The following ADAMTSL1 variants were observed in gnomAD, a reference collection of about 807,000 sequenced individuals.
ADAMTSL1 encodes the protein ADAMTS-like protein 1.
In ADAMTSL1, 126 loss-of-function variants were observed where a neutral mutation model predicts 201.8. That is an observed-to-expected ratio of 0.62 (90% CI 0.54 to 0.72). The LOEUF (loss-of-function observed/expected upper bound fraction) is 0.72, where lower values mean the gene tolerates loss of function less well. Ranked by LOEUF, ADAMTSL1 falls within the 30% of genes least tolerant of loss-of-function variation. ADAMTSL1 has a pLI of 0.00. For synonymous variants in ADAMTSL1, 1,121 were observed against 903.4 expected, an observed-to-expected ratio of 1.24 and a Z score of -4.32; for missense variants, 2,679 against 2,277.8, an observed-to-expected ratio of 1.18 and a Z score of -3.59.
At chr9:18,555,789 G>C (rs1256002102) in intron 3 of ADAMTSL1, among the ~76,000 whole-genome samples, 1 of 151,908 alleles carries the variant, frequency 6.6e-6, no homozygotes, top group African/African-American at 2.4e-5. Flanking sequence ...AACATTGAGA[G>C]AATGGCAAAT....
chr9:18,055,211 T>C (rs974207297), intron 1 of ADAMTSL1, among the ~76,000 whole-genome samples: 1 of 152,244 alleles, frequency 6.6e-6, no homozygotes, highest in Non-Finnish European at 1.5e-5. Flanking sequence ...CACCTATTCA[T>C]AGTCAGTTTA....
At chr9:18,524,967 G>C (rs1422485116) in intron 2 of ADAMTSL1, among the ~76,000 whole-genome samples, 1 of 152,214 alleles carries the variant, frequency 6.6e-6, no homozygotes, top group Non-Finnish European at 1.5e-5. Context: ...AAATGAGTGA[G>C]GGAGGATTCC....
At chr9:18,775,460 G>A (rs1382453858) in intron 17 of ADAMTSL1, among the ~76,000 whole-genome samples, 1 of 152,130 alleles carries the variant, frequency 6.6e-6, no homozygotes, top group African/African-American at 2.4e-5. Flanking sequence ...ATACTGAGCT[G>A]GGATTTAAAC....
At chr9:18,839,254 A>G (rs188696474) in intron 23 of ADAMTSL1, among the ~76,000 whole-genome samples, 2,535 of 139,326 alleles carry the variant, frequency 0.018, 58 homozygotes, top group African/African-American at 0.062. Context: ...TCATTGTTCA[A>G]TTCCCACCTA....
intron 19 of ADAMTSL1, among the ~76,000 whole-genome samples, chr9:18,791,573 C>G (rs1023648887): frequency 7.2e-5 from 11 of 152,086 alleles, no homozygotes; most frequent in African/African-American, 2.7e-4. Flanking sequence ...CAAATCCTGA[C>G]TCTGCCCCCA....
chr9:18,589,631 G>A (rs1231797143), intron 4 of ADAMTSL1, among the ~76,000 whole-genome samples: 1 of 152,086 alleles, frequency 6.6e-6, no homozygotes, highest in African/African-American at 2.4e-5. Context: ...TGATGAAACT[G>A]AGCATCCTTG....
intron 2 of ADAMTSL1, among the ~76,000 whole-genome samples, chr9:18,347,645 C>T (rs1404654692): frequency 1.3e-5 from 2 of 152,102 alleles, no homozygotes; most frequent in Non-Finnish European, 2.9e-5. Context: ...AAGCACTGCT[C>T]CTTTTCCTCT....
intron 1 of ADAMTSL1, among the ~76,000 whole-genome samples, chr9:18,134,151 C>T (rs1051059547): frequency 1.3e-5 from 2 of 152,144 alleles, no homozygotes; most frequent in Admixed American, 1.3e-4. Context: ...TGGTCATTTA[C>T]TAGGAACTCC....
chr9:18,138,999 C>G (rs954284226), intron 1 of ADAMTSL1, among the ~76,000 whole-genome samples: 1 of 152,098 alleles, frequency 6.6e-6, no homozygotes, highest in Non-Finnish European at 1.5e-5. Context: ...GTGTCTGCCA[C>G]TAAGGAACCT....
At chr9:18,367,456 GC>G (rs1836818404) in intron 2 of ADAMTSL1, among the ~76,000 whole-genome samples, 1 of 151,614 alleles carries the variant, frequency 6.6e-6, no homozygotes, top group Non-Finnish European at 1.5e-5. Flanking sequence ...CTGGGTCTAA[GC>G]CCTAGGGTTG....
chr9:18,447,728 C>T (rs1820249217), intron 2 of ADAMTSL1, among the ~76,000 whole-genome samples: 1 of 152,164 alleles, frequency 6.6e-6, no homozygotes, highest in Non-Finnish European at 1.5e-5. Flanking sequence ...TTCATTCTTT[C>T]TTGAAATAGA....
intron 1 of ADAMTSL1, among the ~76,000 whole-genome samples, chr9:18,053,825 C>G (rs566044371): frequency 1.3e-5 from 2 of 152,296 alleles, no homozygotes; most frequent in African/African-American, 4.8e-5. Context: ...CCTGGTAACT[C>G]TTGGTGTGTA....
At chr9:18,813,516 C>CT (rs1251799920) in intron 20 of ADAMTSL1, among the ~76,000 whole-genome samples, 1 of 152,106 alleles carries the variant, frequency 6.6e-6, no homozygotes, top group Non-Finnish European at 1.5e-5. Context: ...ATGTTTTATA[C>CT]TTTTCAGTGT....
rs1819864870 is a variant in ADAMTSL1, at chr9:18,757,928, G to A, written c.2217+4420G>A. Among the ~76,000 whole-genome samples, 4 of 152,182 alleles carry A rather than the reference G, an allele frequency of 2.6e-5. 1 individual carries two copies. In the South Asian group the frequency reaches 8.3e-4, roughly 31 times the overall value. On this transcript the variant is annotated intron_variant, in intron 16 of 28. Coordinates refer to ENST00000380548, the MANE Select transcript of ADAMTSL1 (RefSeq NM_001040272.6). ...CAGGAGCTGCTGCTTTTGATAATGA[G>A]AGCATCACTTTCTCTGTGTTCAGCA...
rs189809927 is a variant in ADAMTSL1, at chr9:18,220,194, G to C, written c.207+56213G>C. ...TTCACCTGCTTCATTGATCAGTTTTGGTTTAGATATGATCCAGTTTTCCAT... is the reference window on the plus strand; with the variant it reads ...TTCACCTGCTTCATTGATCAGTTTTCGTTTAGATATGATCCAGTTTTCCAT... On this transcript the variant is annotated intron_variant, in intron 2 of 29. Transcript: ENST00000680146. 9.9e-5 allele frequency among the ~76,000 whole-genome samples: 15 copies of C among 152,022 alleles called. No individual in the cohort carries two copies. In the East Asian group the frequency reaches 2.7e-3, roughly 27 times the overall value.
chr9:18,307,014 G>GC (rs1833935905), intron 2 of ADAMTSL1, among the ~76,000 whole-genome samples: 3 of 152,308 alleles, frequency 2.0e-5, no homozygotes, highest in African/African-American at 7.2e-5. Flanking sequence ...AACCCTACAA[G>GC]CCAGAATAGA....
chr9:18,239,300 A>G (rs1229490741), intron 2 of ADAMTSL1, among the ~76,000 whole-genome samples: 1 of 152,194 alleles, frequency 6.6e-6, no homozygotes, highest in East Asian at 1.9e-4. Context: ...TTTACCCAAA[A>G]CAGAACTTCT....
intron 2 of ADAMTSL1, among the ~76,000 whole-genome samples, chr9:18,426,984 C>G: frequency 6.6e-6 from 1 of 152,156 alleles, no homozygotes; most frequent in East Asian, 1.9e-4. Context: ...ACATTTTTAT[C>G]ATTTTCTGTA....
At chr9:18,245,833 T>C (rs1015287688) in intron 2 of ADAMTSL1, among the ~76,000 whole-genome samples, 1 of 152,134 alleles carries the variant, frequency 6.6e-6, no homozygotes. Context: ...TTAAATCAAG[T>C]TTCTGCATGC....
Sources: allele counts gnomAD v4.1 joint callset (sites outside exome capture counted in the v4.1 genomes callset), GRCh38; gene constraint gnomAD v4.1.1; transcripts MANE v1.5; gene names NCBI Gene and HGNC (gene_info 2026-07-23, HGNC 2026-07-21).